The following MSH3 variants were observed in gnomAD, a reference collection of about 807,000 sequenced individuals.
The protein encoded by MSH3 is mutS homolog 3.
A neutral mutation model predicts 123.3 loss-of-function variants in MSH3; 106 were observed. The observed-to-expected ratio is 0.86, with a 90% CI of 0.73 to 1.01. MSH3 has a LOEUF of 1.01. Ranked by LOEUF, MSH3 falls within the 50% of genes least tolerant of loss-of-function variation. The pLI is 0.00. For synonymous variants in MSH3, 515 were observed against 481.4 expected (o/e 1.07, Z -0.91); for missense variants, 1,459 against 1,347.6 (o/e 1.08, Z -1.29).
chr5:80,842,587 G>A (rs1172980093), intron 20 of MSH3, among the ~76,000 whole-genome samples: 1 of 152,090 alleles, frequency 6.6e-6, no homozygotes, highest in Non-Finnish European at 1.5e-5. Context: ...ATTTCGTTGA[G>A]CAGCGGTTTG....
At chr5:80,804,083 T>A (rs560139919) in intron 19 of MSH3, among the ~76,000 whole-genome samples, 150 of 152,378 alleles carry the variant, frequency 9.8e-4, no homozygotes, top group African/African-American at 3.5e-3. Flanking sequence ...TTTTTCTATT[T>A]CTGTGAAGAA....
chr5:80,776,962 C>G (rs747023704), intron 16 of MSH3, among the ~76,000 whole-genome samples: 1 of 142,460 alleles, frequency 7.0e-6, no homozygotes, highest in Non-Finnish European at 1.5e-5. Context: ...GACAGAGTCT[C>G]TTTTCGTCAG....
Position 80,665,030 on chromosome 5 carries a change from A to G in MSH3, c.359-113A>G, listed in dbSNP as rs1650670. 197,450 of 748,616 alleles carry G rather than the reference A, an allele frequency of 0.26. 27,878 individuals carry two copies. The highest frequency in any genetic ancestry group is 0.39 in the Middle Eastern group (1,088 of 2,758). 46.4% of individuals were successfully genotyped at this position (748,616 alleles called of 1,614,324 possible). ...TTTAAAAAAATCACATTATAGTTAG[A>G]TTCATTGCTTTATTGGGAATCTACC... On this transcript the variant is annotated intron_variant, in intron 2 of 23. Coordinates refer to ENST00000265081, the MANE Select transcript of MSH3 (RefSeq NM_002439.5).
Position 80,728,980 on chromosome 5 carries a change from C to T in MSH3, c.1568+15C>T, listed in dbSNP as rs758137958. The T allele has an allele frequency of 7.2e-7, 1 of 1,387,694 alleles. No individual in the cohort carries two copies. Among genetic ancestry groups the T allele is most frequent in the Non-Finnish European group, 1.0e-6 (1 of 978,492 alleles). 86.0% of individuals were successfully genotyped at this position (1,387,694 alleles called of 1,614,324 possible). ...TCCAAACCTGAGTAAGTGATTCCTC[C>T]AAAATTAAAAAAAGGGGGAGCTTAT... On this transcript the variant is annotated intron_variant, in intron 10 of 23. Transcript: ENST00000265081.
At chr5:80,683,052 G>A (rs2112822172) in intron 8 of MSH3, among the ~76,000 whole-genome samples, 1 of 152,190 alleles carries the variant, frequency 6.6e-6, no homozygotes, top group Admixed American at 6.5e-5. Flanking sequence ...CCTTTTCATG[G>A]CAGAATGCTA....
At chr5:80,709,365 G>A (rs554797253) in intron 8 of MSH3, among the ~76,000 whole-genome samples, 1 of 152,124 alleles carries the variant, frequency 6.6e-6, no homozygotes, top group East Asian at 1.9e-4. Context: ...GCTTACGCCT[G>A]TAATCCCAGC....
chr5:80,748,000 A>T (rs1237200986), intron 12 of MSH3, among the ~76,000 whole-genome samples: 1 of 152,210 alleles, frequency 6.6e-6, no homozygotes, highest in South Asian at 2.1e-4. Context: ...TGCCTTACTG[A>T]TCACATCAGT....
Position 80,728,836 on chromosome 5 carries a change from T to C in MSH3, c.1454-15T>C. 1.5e-6 allele frequency: 2 copies of C among 1,301,570 alleles called. No individual in the cohort carries two copies. Among genetic ancestry groups the C allele is most frequent in the East Asian group, 2.3e-5 (1 of 43,308 alleles). 80.6% of individuals were successfully genotyped at this position (1,301,570 alleles called of 1,614,324 possible). ...AAAGAATTTTTATAACAAGTTAATA[T>C]ATTCTGTTTTCTAGGTTCTCAAATT... On this transcript the variant is annotated splice_polypyrimidine_tract_variant and intron_variant, in intron 9 of 23. Coordinates refer to ENST00000265081, the MANE Select transcript of MSH3 (RefSeq NM_002439.5).
At chr5:80,717,964 T>C (rs1750997843) in intron 8 of MSH3, among the ~76,000 whole-genome samples, 1 of 152,246 alleles carries the variant, frequency 6.6e-6, no homozygotes. Context: ...GTTTCAGAAG[T>C]AATTTAATTT....
chr5:80,657,004 TATTC>T (rs1749308230), intron 2 of MSH3, among the ~76,000 whole-genome samples: 2 of 151,606 alleles, frequency 1.3e-5, no homozygotes, highest in Admixed American at 6.6e-5. Context: ...GATTATATTA[TATTC>T]TATACTAATT....
chr5:80,869,174 C>T (rs932685215), intron 22 of MSH3, among the ~76,000 whole-genome samples: 1 of 152,188 alleles, frequency 6.6e-6, no homozygotes, highest in African/African-American at 2.4e-5. Flanking sequence ...GTTCTAAAAG[C>T]AACTTCAGAA....
intron 20 of MSH3, among the ~76,000 whole-genome samples, chr5:80,848,185 A>C (rs1200856163): frequency 6.6e-6 from 1 of 152,234 alleles, no homozygotes. Flanking sequence ...AGCTGTGTTC[A>C]TGCCACTGTA....
intron 8 of MSH3, among the ~76,000 whole-genome samples, chr5:80,705,406 C>T (rs957007261): frequency 3.3e-5 from 5 of 152,132 alleles, no homozygotes; most frequent in Non-Finnish European, 7.3e-5. Flanking sequence ...TTGTACCAGA[C>T]GGTGAAAGCA....
At chr5:80,727,263 G>T (rs1743317965) in intron 9 of MSH3, among the ~76,000 whole-genome samples, 1 of 152,186 alleles carries the variant, frequency 6.6e-6, no homozygotes, top group Non-Finnish European at 1.5e-5. Flanking sequence ...TTCTGGGGAA[G>T]AAAGCTAGAA....
intron 15 of MSH3, among the ~76,000 whole-genome samples, chr5:80,770,906 G>T (rs1215215189): frequency 6.6e-6 from 1 of 152,112 alleles, no homozygotes; most frequent in Non-Finnish European, 1.5e-5. Flanking sequence ...TATGAGTGTG[G>T]CATTGAGGTT....
chr5:80,805,587 C>A (rs893608792), intron 19 of MSH3, among the ~76,000 whole-genome samples: 6 of 81,240 alleles, frequency 7.4e-5, no homozygotes, highest in East Asian at 4.4e-4. Flanking sequence ...TGCCCCCCCC[C>A]CCTACCTTTT....
intron 3 of MSH3, among the ~76,000 whole-genome samples, chr5:80,668,276 C>T (rs1031484866): frequency 3.3e-5 from 5 of 152,120 alleles, no homozygotes; most frequent in South Asian, 2.1e-4. Context: ...CAGAAAACAC[C>T]GTAAGTTCTA....
intron 16 of MSH3, among the ~76,000 whole-genome samples, chr5:80,777,446 C>T (rs1277174269): frequency 1.3e-5 from 2 of 152,044 alleles, no homozygotes; most frequent in East Asian, 1.9e-4. Context: ...TACCAAAAAC[C>T]ATGTTAGTCT....
chr5:80,745,096 G>A (rs1265336434), intron 12 of MSH3, among the ~76,000 whole-genome samples: 1 of 152,190 alleles, frequency 6.6e-6, no homozygotes, highest in African/African-American at 2.4e-5. Flanking sequence ...ATGCTTAGAA[G>A]AGTAGAGTGA....
Sources: allele counts gnomAD v4.1 joint callset (sites outside exome capture counted in the v4.1 genomes callset), GRCh38; gene constraint gnomAD v4.1.1; transcripts MANE v1.5; gene names NCBI Gene and HGNC (gene_info 2026-07-23, HGNC 2026-07-21).